Variants in MED13 observed in about 807,000 individuals in gnomAD.
MED13 encodes mediator complex subunit 13.
A neutral mutation model predicts 225.2 loss-of-function variants in MED13; 23 were observed. The observed-to-expected ratio is 0.10, with a 90% CI of 0.07 to 0.14. MED13 has a LOEUF of 0.14. Among genes scored for constraint, MED13 ranks in the 10% least tolerant of loss-of-function variants. The pLI is 1.00. For synonymous variants in MED13, 942 were observed against 889.2 expected, an observed-to-expected ratio of 1.06 and a Z score of -1.06; for missense variants, 2,197 against 2,594.5, an observed-to-expected ratio of 0.85 and a Z score of 3.33.
intron 8 of MED13, among the ~76,000 whole-genome samples, chr17:62,013,823 G>C (rs927170655): frequency 6.6e-6 from 1 of 152,148 alleles, no homozygotes; most frequent in African/African-American, 2.4e-5. Flanking sequence ...GGTGGATCAT[G>C]AAGTCAGGAG....
At chr17:61,978,785 TATG>T (rs1187986258) in intron 16 of MED13, among the ~76,000 whole-genome samples, 1 of 152,314 alleles carries the variant, frequency 6.6e-6, no homozygotes, top group South Asian at 2.1e-4. Flanking sequence ...TTTGAATACC[TATG>T]ATATTTATTT....
intron 8 of MED13, among the ~76,000 whole-genome samples, chr17:62,020,008 T>C (rs377048808): frequency 6.6e-6 from 1 of 152,184 alleles, no homozygotes; most frequent in East Asian, 1.9e-4. Flanking sequence ...CCTCCCAAAG[T>C]GCTGGGATTA....
At chr17:61,962,718 C>T (rs747081468) in intron 21 of MED13, 34 bp downstream of exon 21, 4 of 1,582,712 alleles carry the variant, frequency 2.5e-6, no homozygotes, top group African/African-American at 1.3e-5. Flanking sequence ...AACTGTTTTA[C>T]ATAATTTTAA....
At chr17:61,970,017 T>C (rs1233788743) in intron 17 of MED13, among the ~76,000 whole-genome samples, 1 of 152,224 alleles carries the variant, frequency 6.6e-6, no homozygotes, top group African/African-American at 2.4e-5. Context: ...CATAAAAAGA[T>C]GCTCTTTCTC....
chr17:62,002,655 ACAG>A (rs1470164844), intron 9 of MED13, among the ~76,000 whole-genome samples: 4 of 152,188 alleles, frequency 2.6e-5, no homozygotes, highest in Admixed American at 2.6e-4. Flanking sequence ...AGCAATATTA[ACAG>A]CAGGTAATAA....
At chr17:62,005,889 C>T (rs958281545) in intron 9 of MED13, 1 of 152,148 alleles carries the variant, frequency 6.6e-6, no homozygotes, top group African/African-American at 2.4e-5. Flanking sequence ...CATACTGATG[C>T]TGAACTTGAT....
At chr17:61,971,649 T>C (rs146946339) in intron 17 of MED13, among the ~76,000 whole-genome samples, 1 of 152,172 alleles carries the variant, frequency 6.6e-6, no homozygotes, top group Non-Finnish European at 1.5e-5. Context: ...AAATATATTT[T>C]CTGGCCGGGC....
At chr17:62,048,768 G>A (rs200563521) in intron 3 of MED13, among the ~76,000 whole-genome samples, 1 of 152,020 alleles carries the variant, frequency 6.6e-6, no homozygotes, top group East Asian at 1.9e-4. Context: ...GTGGGTGACA[G>A]GCACCCAATA....
Position 61,965,123 on chromosome 17 carries a change from G to T in MED13, c.4727C>A (p.Ala1576Glu). Reference sequence around the variant, plus strand: ...TAGCTGACCACTCTGAACTGTATTTGCTTGTGTAGACATGGATCCTGCAGC... The same window carrying T: ...TAGCTGACCACTCTGAACTGTATTTTCTTGTGTAGACATGGATCCTGCAGC... Reference protein sequence around the residue: ...SNAAGSMSTQANTVQSGQLGG... With the variant: ...SNAAGSMSTQENTVQSGQLGG... The change falls in exon 20 of 30, where the codon GCA becomes GAA. Residue 1576 changes from alanine (A) to glutamate (E), a missense_variant. Physicochemically the swap from Ala to Glu is moderately radical, Grantham distance 107. This residue lies in a region of MED13 where 457 missense variants were observed against 442.2 expected (regional missense o/e 1.03). Transcript: ENST00000397786. 6.2e-7 allele frequency: 1 copy of T among 1,614,172 alleles called. No individual in the cohort carries two copies. Among genetic ancestry groups the T allele is most frequent in the Admixed American group, 1.7e-5 (1 of 60,020 alleles).
intron 3 of MED13, among the ~76,000 whole-genome samples, chr17:62,039,586 GA>G (rs369620827): frequency 0.026 from 3,356 of 129,862 alleles, 56 homozygotes; most frequent in Middle Eastern, 0.13. Flanking sequence ...ACCCAGCCAA[GA>G]TTTTTTTTTT....
chr17:62,015,877 GTATA>G lies in MED13; in HGVS notation c.1284-4648_1284-4645del, dbSNP rs534114735. Among the ~76,000 whole-genome samples the G allele has an allele frequency of 9.1e-3, 541 of 59,160 alleles. 19 individuals are homozygous for G. The highest frequency in any genetic ancestry group is 0.033 in the African/African-American group (522 of 15,802). The allele number at this position is 59,160 out of a possible 152,430, so 38.8% of individuals were successfully genotyped here. On this transcript the variant is annotated intron_variant, in intron 8 of 29. Coordinates refer to ENST00000397786, the MANE Select transcript of MED13 (RefSeq NM_005121.3). Reference sequence around the variant, plus strand: ...ATGTGTATAGTGTGTATGTGTGTGTGTATATATATACACACACACACACATACAC... The same window carrying G: ...ATGTGTATAGTGTGTATGTGTGTGTGTATATACACACACACACACATACAC...
chr17:61,982,814 A>T lies in MED13; in HGVS notation c.3189T>A (p.Pro1063=), dbSNP rs1458250533. 10 of 1,614,092 alleles carry T rather than the reference A, an allele frequency of 6.2e-6. No individual in the cohort carries two copies. The Admixed American group carries it at 6.7e-5, about 11-fold the overall frequency. Residue 1063 remains proline (P), a synonymous_variant, in exon 16 of 30, where the codon CCT becomes CCA. Transcript: ENST00000397786. ...AAAGACTGTGTGCTTCAGGGATGGAAGGGACAGTTGCAGGTTCAACAGAAT... is the reference window on the plus strand; with the variant it reads ...AAAGACTGTGTGCTTCAGGGATGGATGGGACAGTTGCAGGTTCAACAGAAT... ...PLNSVEPATV[P]SIPEAHSLYV...
intron 17 of MED13, among the ~76,000 whole-genome samples, chr17:61,970,332 T>A (rs991666175): frequency 3.3e-5 from 5 of 152,162 alleles, no homozygotes; most frequent in Non-Finnish European, 7.3e-5. Flanking sequence ...TGAATCAGCA[T>A]CCTACTAGGC....
At chr17:61,985,202 T>G in intron 12 of MED13, 112 bp from the exon 13 acceptor site, 1 of 855,116 alleles carries the variant, frequency 1.2e-6, no homozygotes, top group Non-Finnish European at 1.8e-6. Flanking sequence ...AAGTAGTATT[T>G]TGAATCTGTG....
chr17:61,977,495 A>C (rs1244000016), intron 16 of MED13, among the ~76,000 whole-genome samples: 1 of 152,208 alleles, frequency 6.6e-6, no homozygotes, highest in East Asian at 1.9e-4. Context: ...TCTGTCGCCC[A>C]GGCTGGAGTG....
At chr17:62,004,605 ATGGG>A (rs1363409694) in intron 9 of MED13, 1 of 152,242 alleles carries the variant, frequency 6.6e-6, no homozygotes, top group African/African-American at 2.4e-5. Flanking sequence ...AGTAGGTAAC[ATGGG>A]TGAAGAACTA....
Position 61,965,217 on chromosome 17 carries a change from T to C in MED13, c.4633A>G (p.Asn1545Asp), listed in dbSNP as rs1012513182. ...TASTSSSSSS[N>D]LNSGVSSNKL... ...TTTGATGATACTCCACTATTCAAGT[T>C]GGAGGATGATGAAGATGAAGTTGAA... Residue 1545 changes from asparagine (N) to aspartate (D), a missense_variant, in exon 20 of 30, where the codon AAC becomes GAC. Asn to Asp is a conservative substitution (Grantham distance 23). Transcript: ENST00000397786. The C allele has an allele frequency of 6.2e-7, 1 of 1,614,162 alleles. No homozygotes were observed.
intron 28 of MED13, among the ~76,000 whole-genome samples, chr17:61,949,839 C>T (rs368350228): frequency 7.6e-4 from 115 of 152,188 alleles, no homozygotes; most frequent in African/African-American, 2.5e-3. Flanking sequence ...CGTGCCACCA[C>T]GCCTGGCTAA....
At chr17:62,011,398 AC>A (rs1219308901) in intron 8 of MED13, among the ~76,000 whole-genome samples, 165 bp from the exon 9 acceptor site, 2 of 152,322 alleles carry the variant, frequency 1.3e-5, no homozygotes, top group East Asian at 3.8e-4. Flanking sequence ...TTTGCTCGTG[AC>A]CTAAATAAAA....
Sources: gnomAD v4.1 joint callset for allele counts (sites outside exome capture counted in the v4.1 genomes callset) on GRCh38, gnomAD v4.1.1 for gene constraint, gnomAD v4.1.1 regional missense constraint, MANE v1.5 for transcripts, NCBI Gene and HGNC (gene_info 2026-07-23, HGNC 2026-07-21) for gene names.